The following TMEM131 variants were observed in gnomAD, a reference collection of about 807,000 sequenced individuals.
TMEM131 encodes transmembrane protein 131, also known as 2610524E03Rik.
A neutral mutation model predicts 211.6 loss-of-function variants in TMEM131; 66 were observed. That is an observed-to-expected ratio of 0.31 (90% CI 0.26 to 0.38). The LOEUF (loss-of-function observed/expected upper bound fraction) is 0.38. TMEM131 is among the 10% of genes least tolerant of loss of function. TMEM131 has a pLI of 1.00. For missense variants in TMEM131, 2,036 were observed against 2,299.3 expected, an observed-to-expected ratio of 0.89 and a Z score of 2.34; for synonymous variants, 844 against 841.3, an observed-to-expected ratio of 1.00 and a Z score of -0.06.
chr2:97,980,690 T>C (rs1206127774), intron 1 of TMEM131, among the ~76,000 whole-genome samples: 2 of 152,056 alleles, frequency 1.3e-5, no homozygotes, highest in African/African-American at 2.4e-5. Context: ...GATGAACAAA[T>C]AAATCATGGT....
intron 3 of TMEM131, among the ~76,000 whole-genome samples, chr2:97,892,045 TAAAC>T (rs901770088): frequency 2.5e-4 from 38 of 152,302 alleles, no homozygotes; most frequent in South Asian, 6.2e-4. Flanking sequence ...GCCAGCTAAA[TAAAC>T]AGTGATTTAA....
chr2:97,805,217 A>T lies in TMEM131; in HGVS notation c.2285-12T>A. The T allele has an allele frequency of 6.2e-7, 1 of 1,607,238 alleles. No individual in the cohort carries two copies. Among genetic ancestry groups the T allele is most frequent in the Non-Finnish European group, 8.5e-7 (1 of 1,176,304 alleles). Reference sequence around the variant, plus strand: ...CACTTTGGGTTCAGCTAAAACAAGGAAACATACTTAACCTGCATCTATACT... The same window carrying T: ...CACTTTGGGTTCAGCTAAAACAAGGTAACATACTTAACCTGCATCTATACT... On this transcript the variant is annotated splice_polypyrimidine_tract_variant and intron_variant, in intron 21 of 40. Coordinates refer to ENST00000186436, the MANE Select transcript of TMEM131 (RefSeq NM_015348.2).
chr2:97,816,958 C>G (rs921769612), intron 12 of TMEM131, among the ~76,000 whole-genome samples: 1 of 152,094 alleles, frequency 6.6e-6, no homozygotes, highest in South Asian at 2.1e-4. Flanking sequence ...GTGTGGGGAT[C>G]CAGCATGGCA....
chr2:97,776,277 AT>A (rs1179359234), intron 31 of TMEM131, among the ~76,000 whole-genome samples: 1 of 151,980 alleles, frequency 6.6e-6, no homozygotes, highest in Non-Finnish European at 1.5e-5. Flanking sequence ...GATGGTCTCA[AT>A]CTCCTGACCT....
chr2:97,877,947 A>C (rs1205229578), intron 4 of TMEM131, among the ~76,000 whole-genome samples: 1 of 152,230 alleles, frequency 6.6e-6, no homozygotes, highest in Non-Finnish European at 1.5e-5. Flanking sequence ...AAAGTTTTGC[A>C]ATCTATCCAT....
intron 31 of TMEM131, among the ~76,000 whole-genome samples, chr2:97,777,464 G>A (rs539392014): frequency 6.6e-6 from 1 of 152,192 alleles, no homozygotes; most frequent in Non-Finnish European, 1.5e-5. Context: ...AGCTAAGAAT[G>A]ATTTTTACAT....
chr2:97,907,846 A>T (rs185176664), intron 3 of TMEM131, among the ~76,000 whole-genome samples: 4 of 152,306 alleles, frequency 2.6e-5, no homozygotes, highest in Admixed American at 6.5e-5. Context: ...TAGAACAGGT[A>T]CTGGTGCCTG....
rs1385000916 is a variant in TMEM131, at chr2:97,802,634, G to C, written c.2541+18C>G. On this transcript the variant is annotated intron_variant, in intron 23 of 40. Coordinates refer to ENST00000186436, the MANE Select transcript of TMEM131 (RefSeq NM_015348.2). ...CTAGTATGTATTTCCAAAAACCAAT[G>C]TCACTTTGAATACTTACTGAGGAGC... 1 of 1,611,164 alleles carries C rather than the reference G, an allele frequency of 6.2e-7. No individual in the cohort carries two copies. Among genetic ancestry groups the C allele is most frequent in the Non-Finnish European group, 8.5e-7 (1 of 1,178,830 alleles).
rs80341555 is a variant in TMEM131 at position 97,757,479 on chromosome 2, C to T, written c.5368-96G>A. ...CTACAGAAAAGATGAGGCTGGGGCA[C>T]GCATTCCTCTTACTTTGTTTACTTT... On this transcript the variant is annotated intron_variant, in intron 40 of 40. Coordinates refer to ENST00000186436, the MANE Select transcript of TMEM131 (RefSeq NM_015348.2). 1,005 of 1,329,468 alleles carry T rather than the reference C, an allele frequency of 7.6e-4. 11 individuals carry two copies. In the East Asian group the frequency reaches 0.017, roughly 22 times the overall value. 82.4% of individuals were successfully genotyped at this position (1,329,468 alleles called of 1,614,324 possible).
chr2:97,838,954 G>A (rs1238680952), intron 7 of TMEM131, among the ~76,000 whole-genome samples: 1 of 152,026 alleles, frequency 6.6e-6, no homozygotes, highest in Non-Finnish European at 1.5e-5. Context: ...AACTTTTTCT[G>A]GAAAACCAGA....
intron 1 of TMEM131, among the ~76,000 whole-genome samples, chr2:97,979,251 T>C (rs527256109): frequency 6.6e-6 from 1 of 152,344 alleles, no homozygotes; most frequent in African/African-American, 2.4e-5. Context: ...TCCCTAGAAT[T>C]TTTTCAGCAT....
chr2:97,970,384 C>G (rs187588365), intron 1 of TMEM131, among the ~76,000 whole-genome samples: 99 of 152,194 alleles, frequency 6.5e-4, no homozygotes, highest in African/African-American at 2.3e-3. Context: ...AGAAACAGTA[C>G]AGAGAGAGGA....
Position 97,841,801 on chromosome 2 carries a change from C to T in TMEM131, c.723+14G>A, listed in dbSNP as rs1393470665. On this transcript the variant is annotated intron_variant, in intron 7 of 40. Transcript: ENST00000186436. ...CAAAATGAAGCTTATTCAAAATTACCATCATAAACTCACCTGTAAAGGCTC... is the reference window on the plus strand; with the variant it reads ...CAAAATGAAGCTTATTCAAAATTACTATCATAAACTCACCTGTAAAGGCTC... 1 of 1,547,146 alleles carries T rather than the reference C, an allele frequency of 6.5e-7. No individual in the cohort carries two copies. The highest frequency in any genetic ancestry group is 2.1e-5 in the Admixed American group (1 of 48,106).
chr2:97,926,994 G>C (rs1446736378), intron 2 of TMEM131, among the ~76,000 whole-genome samples: 6 of 152,144 alleles, frequency 3.9e-5, no homozygotes, highest in African/African-American at 1.4e-4. Flanking sequence ...TTCTCACCTT[G>C]AAACAGATTA....
chr2:97,805,794 G>A (rs907748115), intron 19 of TMEM131, 91 bp from the exon 20 acceptor site: 1 of 1,171,626 alleles, frequency 8.5e-7, no homozygotes, highest in African/African-American at 1.5e-5. Flanking sequence ...ATACTTCTAG[G>A]AAACCAAAGC....
At position 97,927,583 on chromosome 2, in the gene TMEM131, CT is replaced by C. The variant is rs1677045193; in HGVS notation, c.188-97del. 2.9e-6 allele frequency: 3 copies of C among 1,035,176 alleles called. No individual in the cohort carries two copies. The Admixed American group carries it at 1.1e-4, about 37-fold the overall frequency. The allele number at this position is 1,035,176 out of a possible 1,614,324, so 64.1% of individuals were successfully genotyped here. On this transcript the variant is annotated intron_variant, in intron 1 of 40. Transcript: ENST00000186436. Reference sequence around the variant, plus strand: ...AAAGTTAATTAATATAATTTTATATCTAAAAATGGACTGCTTAATGGTGATG... The same window carrying C: ...AAAGTTAATTAATATAATTTTATATCAAAAATGGACTGCTTAATGGTGATG...
chr2:97,951,852 CAG>C (rs1013411788), intron 1 of TMEM131, among the ~76,000 whole-genome samples: 4 of 152,044 alleles, frequency 2.6e-5, no homozygotes, highest in African/African-American at 9.7e-5. Flanking sequence ...AACTTGAAGA[CAG>C]ATCTAAAGAA....
At chr2:97,883,330 C>A (rs565008031) in intron 4 of TMEM131, among the ~76,000 whole-genome samples, 3 of 152,156 alleles carry the variant, frequency 2.0e-5, no homozygotes, top group Non-Finnish European at 4.4e-5. Flanking sequence ...AACTATACTC[C>A]TTTGCTATGC....
At chr2:97,845,089 T>A (rs1327730004) in intron 5 of TMEM131, among the ~76,000 whole-genome samples, 2 of 151,900 alleles carry the variant, frequency 1.3e-5, no homozygotes, top group Non-Finnish European at 2.9e-5. Context: ...ATTGTAATTA[T>A]TCTTTTGTTG....
Sources: gnomAD v4.1 joint callset for allele counts (sites outside exome capture counted in the v4.1 genomes callset) on GRCh38, gnomAD v4.1.1 for gene constraint, MANE v1.5 for transcripts, NCBI Gene and HGNC (gene_info 2026-07-23, HGNC 2026-07-21) for gene names.